Variants in BLVRA observed in about 807,000 individuals in gnomAD.
BLVRA encodes the protein biliverdin reductase A.
BLVRA carries 22 observed loss-of-function variants against 32.8 expected under a neutral mutation model. That is an observed-to-expected ratio of 0.67 (90% CI 0.48 to 0.96). The LOEUF is 0.96. Among genes scored for constraint, BLVRA ranks in the 40% least tolerant of loss-of-function variants. The pLI is 0.00. For synonymous variants in BLVRA, 119 were observed against 141.3 expected (o/e 0.84, Z 1.12); for missense variants, 323 against 358.1 (o/e 0.90, Z 0.79).
intron 4 of BLVRA, 58 bp from the exon 5 acceptor site, chr7:43,792,657 C>A: frequency 6.9e-7 from 1 of 1,457,474 alleles, no homozygotes; most frequent in Non-Finnish European, 9.6e-7. Context: ...TTATGCAGAG[C>A]ATTTCAGTGA....
intron 1 of BLVRA, among the ~76,000 whole-genome samples, chr7:43,768,945 T>A (rs1029503636): frequency 5.1e-4 from 78 of 151,562 alleles, no homozygotes; most frequent in African/African-American, 1.7e-3. Context: ...TTTTTTTTTT[T>A]AAATGAGACA....
chr7:43,776,189 G>T (rs2095760764), intron 2 of BLVRA, among the ~76,000 whole-genome samples: 1 of 152,064 alleles, frequency 6.6e-6, no homozygotes. Context: ...GCTAGCTTTT[G>T]AATGTGTTTG....
At chr7:43,789,876 CGTGT>C (rs141385505) in intron 3 of BLVRA, among the ~76,000 whole-genome samples, 145 of 148,982 alleles carry the variant, frequency 9.7e-4, no homozygotes, top group African/African-American at 2.8e-3. Flanking sequence ...GTGGTATGTA[CGTGT>C]GTGTGTGTGT....
At chr7:43,758,457 G>C (rs17239409), upstream of BLVRA, among the ~76,000 whole-genome samples, 893 of 138,620 alleles carry the variant, frequency 6.4e-3, 10 homozygotes, top group African/African-American at 0.021. Context: ...CAAGCTGGGT[G>C]CAGAGAACAG....
At chr7:43,789,775 C>T (rs2095783181) in intron 3 of BLVRA, among the ~76,000 whole-genome samples, 1 of 152,064 alleles carries the variant, frequency 6.6e-6, no homozygotes, top group Non-Finnish European at 1.5e-5. Context: ...CTACCTCCTC[C>T]CCAGGAAGCT....
intron 2 of BLVRA, among the ~76,000 whole-genome samples, chr7:43,784,271 C>G (rs2132568849): frequency 6.6e-6 from 1 of 152,302 alleles, no homozygotes; most frequent in South Asian, 2.1e-4. Context: ...TGTGGATGTC[C>G]TGGTTTCTGG....
intron 1 of BLVRA, among the ~76,000 whole-genome samples, chr7:43,769,481 G>C (rs921329134): frequency 6.6e-6 from 1 of 152,138 alleles, no homozygotes; most frequent in Non-Finnish European, 1.5e-5. Context: ...ATGTGAAAAG[G>C]CTCCAGACTG....
At chr7:43,765,376 C>T (rs1197749187) in intron 1 of BLVRA, among the ~76,000 whole-genome samples, 2 of 152,014 alleles carry the variant, frequency 1.3e-5, no homozygotes, top group Admixed American at 6.6e-5. Context: ...CTCAGCCTCC[C>T]GAATAGCTGG....
intron 2 of BLVRA, among the ~76,000 whole-genome samples, chr7:43,773,982 GGTT>G (rs1232752957): frequency 6.6e-6 from 1 of 151,680 alleles, no homozygotes; most frequent in Non-Finnish European, 1.5e-5. Context: ...TTTTTGATGG[GGTT>G]GTTTGTTTTT....
At chr7:43,798,895 T>A (rs754991901) in intron 5 of BLVRA, among the ~76,000 whole-genome samples, 3 of 151,900 alleles carry the variant, frequency 2.0e-5, no homozygotes, top group Non-Finnish European at 4.4e-5. Context: ...AAATACATAG[T>A]TTCTTTAATA....
intron 2 of BLVRA, among the ~76,000 whole-genome samples, chr7:43,781,014 A>G (rs2095768622): frequency 6.6e-6 from 1 of 152,174 alleles, no homozygotes; most frequent in African/African-American, 2.4e-5. Flanking sequence ...GTAGTGGCAC[A>G]TGCCTGTAAT....
chr7:43,792,956 C>A, intron 5 of BLVRA, 144 bp downstream of exon 5: 1 of 798,954 alleles, frequency 1.3e-6, no homozygotes, highest in African/African-American at 1.7e-5. Context: ...CACCCCCACA[C>A]TGTAAACACA....
At chr7:43,785,841 G>C (rs2095776848) in intron 2 of BLVRA, among the ~76,000 whole-genome samples, 2 of 152,184 alleles carry the variant, frequency 1.3e-5, no homozygotes, top group Admixed American at 1.3e-4. Context: ...CTTTAAAGTA[G>C]ACTGTGGTAA....
At chr7:43,803,600 A>ACCCCCCC in intron 6 of BLVRA, 76 bp from the exon 7 acceptor site, 2 of 478,312 alleles carry the variant, frequency 4.2e-6, no homozygotes, top group East Asian at 1.1e-4. Context: ...CACCCCCGCC[A>ACCCCCCC]CCCCCACCCC....
At position 43,802,653 on chromosome 7, in the gene BLVRA, G is replaced by A. The variant is rs147639732; in HGVS notation, c.461-1023G>A. On this transcript the variant is annotated intron_variant, in intron 6 of 7. Transcript: ENST00000265523. ...AGCTGGGGCTGCAGGTGTGCACCACGACACCCGCCTAATTTTGTGTGTTTT... is the reference window on the plus strand; with the variant it reads ...AGCTGGGGCTGCAGGTGTGCACCACAACACCCGCCTAATTTTGTGTGTTTT... Among the ~76,000 whole-genome samples the A allele has an allele frequency of 3.9e-5, 6 of 152,116 alleles. No homozygotes were observed. The East Asian group carries it at 7.7e-4, about 20-fold the overall frequency.
At chr7:43,790,478 T>G (rs2095784456) in intron 3 of BLVRA, among the ~76,000 whole-genome samples, 1 of 152,008 alleles carries the variant, frequency 6.6e-6, no homozygotes, top group South Asian at 2.1e-4. Context: ...CACAAACATG[T>G]GTGCGTACAT....
rs749890069 is a variant in BLVRA at position 43,787,955 on chromosome 7, G to A, written c.64G>A (p.Val22Met). ...GGTTGGTGTTGGCCGAGCCGGCTCC[G>A]TGCGGATGAGGGACTTGCGGAATCC... The part of the protein sequence containing the change: ...VVVGVGRAGS[V>M]RMRDLRNPHP... Residue 22 changes from valine (V) to methionine (M), a missense_variant, in exon 3 of 8, where the codon GTG becomes ATG. By Grantham distance (21) the Val-to-Met change is conservative (BLOSUM62 1). Transcript: ENST00000265523. The surrounding 1 kb of genome is among the most constrained non-coding windows in gnomAD (Gnocchi z 4.5). 44 of 1,614,214 alleles carry A rather than the reference G, an allele frequency of 2.7e-5. No homozygotes were observed. Among genetic ancestry groups the A allele is most frequent in the Non-Finnish European group, 1.6e-5 (19 of 1,180,044 alleles).
intron 1 of BLVRA, among the ~76,000 whole-genome samples, chr7:43,766,961 A>G (rs1185891609): frequency 6.6e-6 from 1 of 152,136 alleles, no homozygotes; most frequent in Non-Finnish European, 1.5e-5. Flanking sequence ...CATGCGTGCC[A>G]CTGCATTCCA....
intron 5 of BLVRA, among the ~76,000 whole-genome samples, chr7:43,799,600 G>A (rs1246818672): frequency 6.6e-6 from 1 of 152,122 alleles, no homozygotes; most frequent in African/African-American, 2.4e-5. Context: ...AGCCTCCCAA[G>A]TAGCTGGGAC....
Sources: gnomAD v4.1 joint callset for allele counts (sites outside exome capture counted in the v4.1 genomes callset) on GRCh38, gnomAD v4.1.1 for gene constraint, Gnocchi (gnomAD v3.1) non-coding constraint, MANE v1.5 for transcripts, NCBI Gene and HGNC (gene_info 2026-07-23, HGNC 2026-07-21) for gene names.